Variants in MUC4 observed in about 807,000 individuals in gnomAD.
MUC4 encodes mucin 4, cell surface associated, also known as mucin-4.
In MUC4, 202 loss-of-function variants were observed where a neutral mutation model predicts 257.9. That is an observed-to-expected ratio of 0.78 (90% CI 0.70 to 0.88). The LOEUF is 0.88. Among genes scored for constraint, MUC4 ranks in the 40% least tolerant of loss-of-function variants. MUC4 has a pLI of 0.00. For missense variants in MUC4, 5,976 were observed against 6,513.7 expected, an observed-to-expected ratio of 0.92 and a Z score of 2.84; for synonymous variants, 2,351 against 2,757.1, an observed-to-expected ratio of 0.85 and a Z score of 4.62.
Position 195,747,376 on chromosome 3 carries a change from C to G in MUC4, c.16039G>C (p.Val5347Leu). The change falls in exon 25 of 25, where the codon GTG (valine) becomes CTG (leucine). Residue 5347 changes from valine to leucine, a missense_variant. By Grantham distance (32) the Val-to-Leu change is conservative. Around this residue, in one of 44 missense-constraint regions of MUC4, gnomAD observed 310 missense variants for 242.1 expected, o/e 1.28. Coordinates refer to ENST00000463781, the MANE Select transcript of MUC4 (RefSeq NM_018406.7). ...CAGGCCGTGTAGATGGAGAAGGACACACAGCTGGTGACCAAGAGAGACAGA... is the reference window on the plus strand; with the variant it reads ...CAGGCCGTGTAGATGGAGAAGGACAGACAGCTGGTGACCAAGAGAGACAGA... ...HLPSGPRCSC[V>L]SFSIYTAWGE... 6.2e-7 allele frequency: 1 copy of G among 1,613,758 alleles called. No homozygotes were observed. Among genetic ancestry groups the G allele is most frequent in the Non-Finnish European group, 8.5e-7 (1 of 1,179,754 alleles).
At chr3:195,805,632 G>C (rs573726636) in intron 1 of MUC4, among the ~76,000 whole-genome samples, 1 of 152,208 alleles carries the variant, frequency 6.6e-6, no homozygotes, top group Non-Finnish European at 1.5e-5. Flanking sequence ...GAGTAGCTGG[G>C]ATTACAGGTG....
rs765150874 is a variant in MUC4, at chr3:195,750,845, C to A, written c.15871+44G>T. 7 of 1,578,290 alleles carry A rather than the reference C, an allele frequency of 4.4e-6. No individual in the cohort carries two copies. The Admixed American group carries it at 1.0e-4, about 23-fold the overall frequency. On this transcript the variant is annotated intron_variant, in intron 23 of 24. Transcript: ENST00000463781. Reference sequence around the variant, plus strand: ...GCTGAAGCACCTCTGTTTGCCCGCCCCCCGCAGTGACCCCCATAGTGTCCC... The same window carrying A: ...GCTGAAGCACCTCTGTTTGCCCGCCACCCGCAGTGACCCCCATAGTGTCCC...
chr3:195,778,040 C>T (rs1360727407), intron 3 of MUC4, among the ~76,000 whole-genome samples: 1 of 152,232 alleles, frequency 6.6e-6, no homozygotes, highest in African/African-American at 2.4e-5. Context: ...TGCACTTAGA[C>T]CCTGGGATGA....
At chr3:195,768,849 C>T (rs1368893630) in intron 7 of MUC4, among the ~76,000 whole-genome samples, 173 bp downstream of exon 7, 2 of 152,178 alleles carry the variant, frequency 1.3e-5, no homozygotes, top group African/African-American at 4.8e-5. Flanking sequence ...GTGATCTTGT[C>T]GTGGGAAGCA....
chr3:195,793,896 A>T (rs1293297663), intron 1 of MUC4, among the ~76,000 whole-genome samples: 5 of 152,160 alleles, frequency 3.3e-5, no homozygotes, highest in African/African-American at 1.2e-4. Context: ...CTGGTCACAG[A>T]CTACCAAGAA....
In MUC4 at chr3:195,764,072, A is replaced by G. The variant is rs747163735; in HGVS notation, c.14017T>C (p.Cys4673Arg). 2 of 1,610,754 alleles carry G rather than the reference A, an allele frequency of 1.2e-6. No individual in the cohort carries two copies. Among genetic ancestry groups the G allele is most frequent in the South Asian group, 2.2e-5 (2 of 90,406 alleles). ...GGCTGTGGGGGCCTGTATGTAGCAC[A>G]GCCCACGTGGGGCCGCCTCTGCTGG... Reference protein sequence around the residue: ...LYQQRRPHVGCATYRPPQPAW... With the variant: ...LYQQRRPHVGRATYRPPQPAW... The change falls in exon 11 of 25, where the codon TGT (cysteine) becomes CGT (arginine). Residue 4673 changes from cysteine (C) to arginine (R), a missense_variant. Physicochemically the swap from Cys to Arg is radical, Grantham distance 180. Coordinates refer to ENST00000463781, the MANE Select transcript of MUC4 (RefSeq NM_018406.7).
chr3:195,788,936 C>A lies in MUC4; in HGVS notation c.2644G>T (p.Ala882Ser), dbSNP rs748558178. 32 of 1,613,480 alleles carry A rather than the reference C, an allele frequency of 2.0e-5. No individual in the cohort carries two copies. Among genetic ancestry groups the A allele is most frequent in the Non-Finnish European group, 2.5e-5 (29 of 1,179,682 alleles). ...CTTGACTGTCCTGTCGGTCTCCCTG[C>A]AGTGGAGGCCTCAGAGAGGGTGGGA... Reference protein sequence around the residue: ...FHPTLSEASTAGRPTGQSSPT... With the variant: ...FHPTLSEASTSGRPTGQSSPT... Residue 882 changes from alanine (A) to serine (S), a missense_variant, in exon 2 of 25, where the codon GCA (alanine) becomes TCA (serine). Ala to Ser is a moderately conservative substitution (Grantham distance 99). Transcript: ENST00000463781.
intron 1 of MUC4, among the ~76,000 whole-genome samples, chr3:195,805,985 A>C (rs1008606068): frequency 4.0e-4 from 54 of 133,778 alleles, no homozygotes; most frequent in African/African-American, 1.3e-3. Flanking sequence ...GCATGGTGGC[A>C]TGTGCCTGTG....
chr3:195,792,350 C>T (rs1375604137), intron 1 of MUC4, among the ~76,000 whole-genome samples: 1 of 152,178 alleles, frequency 6.6e-6, no homozygotes, highest in Non-Finnish European at 1.5e-5. Flanking sequence ...CAAAAGAAGA[C>T]ATTTATGCCA....
chr3:195,789,489 T>G lies in MUC4; in HGVS notation c.2091A>C (p.Pro697=), dbSNP rs778089469. ...TTGTGTGACCATCCCCGGTGGGAGCTGGGGCAAAGGTTGTTGCTGCACTTA... is the reference window on the plus strand; with the variant it reads ...TTGTGTGACCATCCCCGGTGGGAGCGGGGGCAAAGGTTGTTGCTGCACTTA... The part of the protein sequence containing the change: ...PTISAATTFA[P]APTGDGHTTQ... Residue 697 remains proline, a synonymous_variant, in exon 2 of 25, where the codon CCA becomes CCC. Transcript: ENST00000463781. 2.1e-5 allele frequency: 34 copies of G among 1,613,530 alleles called. No individual in the cohort carries two copies. The highest frequency in any genetic ancestry group is 2.8e-5 in the Non-Finnish European group (33 of 1,179,822).
chr3:195,750,726 C>T, intron 23 of MUC4, 163 bp downstream of exon 23: 1 of 690,440 alleles, frequency 1.4e-6, no homozygotes, highest in Non-Finnish European at 2.4e-6. Context: ...GCTGGCTGCT[C>T]CTGCTCTCGA....
chr3:195,782,543 C>T lies in MUC4; in HGVS notation c.9037G>A (p.Asp3013Asn), dbSNP rs756096280. The T allele has an allele frequency of 1.0e-4, 147 of 1,449,568 alleles. 6 individuals carry two copies. The highest frequency in any genetic ancestry group is 1.2e-4 in the Non-Finnish European group (132 of 1,091,718). 89.8% of individuals were successfully genotyped at this position (1,449,568 alleles called of 1,614,324 possible). ...IGHATSLPVT[D>N]TSSISTGHAT... The stretch of plus-strand genomic sequence containing the variant: ...TGACCTGTGGATATTGAGGAAGTGT[C>T]GGTGACAGGAAGAGAGGTGGCGTGA... The change falls in exon 2 of 25, where the codon GAC becomes AAC. Residue 3013 changes from aspartate (D) to asparagine (N), a missense_variant. By Grantham distance (23) the Asp-to-Asn change is conservative (BLOSUM62 1). This residue lies in a region of MUC4 where 68 missense variants were observed against 50.2 expected (regional missense o/e 1.35). Coordinates refer to ENST00000463781, the MANE Select transcript of MUC4 (RefSeq NM_018406.7).
chr3:195,791,508 C>T lies in MUC4; in HGVS notation c.83-11G>A, dbSNP rs1733860671. 3 of 1,568,230 alleles carry T rather than the reference C, an allele frequency of 1.9e-6. No individual in the cohort carries two copies. The highest frequency in any genetic ancestry group is 1.1e-5 in the South Asian group (1 of 89,334). On this transcript the variant is annotated splice_polypyrimidine_tract_variant and intron_variant, in intron 1 of 24. Transcript: ENST00000463781. ...TGTCCTCTGTGGTTCCTGGAGTGAA[C>T]CAAAATAGGCAAGCAGAGAGCTAAA...
At chr3:195,803,625 T>C (rs1188614356) in intron 1 of MUC4, among the ~76,000 whole-genome samples, 1 of 152,268 alleles carries the variant, frequency 6.6e-6, no homozygotes, top group Admixed American at 6.5e-5. Flanking sequence ...ATAGCTTATC[T>C]TGTTAATAGC....
chr3:195,779,992 G>T lies in MUC4; in HGVS notation c.11588C>A (p.Ser3863Tyr). 1 of 1,427,124 alleles carries T rather than the reference G, an allele frequency of 7.0e-7. No individual in the cohort carries two copies. The highest frequency in any genetic ancestry group is 9.3e-7 in the Non-Finnish European group (1 of 1,074,218). The allele number at this position is 1,427,124 out of a possible 1,614,324, so 88.4% of individuals were successfully genotyped here. The part of the protein sequence containing the change: ...DTMPLPVTSP[S>Y]SASTGHATPL... The stretch of plus-strand genomic sequence containing the variant: ...GGTGGCGTGACCTGTGGATGCTGAG[G>T]AAGGGCTAGTGACAGGAAGAGGCAT... The change falls in exon 2 of 25, where the codon TCC (serine) becomes TAC (tyrosine). Residue 3863 changes from serine (S) to tyrosine (Y), a missense_variant. By Grantham distance (144) the Ser-to-Tyr change is moderately radical (BLOSUM62 -2). This residue lies in a region of MUC4 where 330 missense variants were observed against 262.0 expected (regional missense o/e 1.26). Coordinates refer to ENST00000463781, the MANE Select transcript of MUC4 (RefSeq NM_018406.7).
chr3:195,754,113 G>A, intron 19 of MUC4, 100 bp downstream of exon 19: 1 of 1,423,610 alleles, frequency 7.0e-7, no homozygotes, highest in Non-Finnish European at 9.5e-7. Context: ...CTAAAGATCT[G>A]CTGGAAAAAG....
At position 195,759,055 on chromosome 3, in the gene MUC4, C is replaced by T; in HGVS notation, c.14986+69G>A. 3 of 1,576,844 alleles carry T rather than the reference C, an allele frequency of 1.9e-6. No individual in the cohort carries two copies. The South Asian group carries it at 3.5e-5, about 18-fold the overall frequency. On this transcript the variant is annotated intron_variant, in intron 17 of 24. Coordinates refer to ENST00000463781, the MANE Select transcript of MUC4 (RefSeq NM_018406.7). ...TGCTGGGTGTAGCAATGCAGAATTT[C>T]CCAAATTTGACTCTGACCTCATCCC... is the stretch of plus-strand genomic sequence containing the variant.
At position 195,779,041 on chromosome 3, in the gene MUC4, G is replaced by A; in HGVS notation, c.12539C>T (p.Thr4180Ile). ...ACCTGTGGATGCTGAGGAAGTGCTG[G>A]TGACAGGAAGAGGGGTGCCGTGACC... ...STGHGTPLPV[T>I]STSSASTGDT... is the part of the protein sequence containing the mutation. Residue 4180 changes from threonine (T) to isoleucine (I), a missense_variant, in exon 2 of 25, where the codon ACC becomes ATC. Physicochemically the swap from Thr to Ile is moderately conservative, Grantham distance 89. Transcript: ENST00000463781. The A allele has an allele frequency of 1.6e-6, 2 of 1,280,972 alleles. No individual in the cohort carries two copies. The highest frequency in any genetic ancestry group is 1.4e-5 in the South Asian group (1 of 69,182). The allele number at this position is 1,280,972 out of a possible 1,614,324, so 79.4% of individuals were successfully genotyped here.
At position 195,754,400 on chromosome 3, in the gene MUC4, G is replaced by A. The variant is rs964117622; in HGVS notation, c.15169-28C>T. 5.0e-6 allele frequency: 8 copies of A among 1,585,858 alleles called. No homozygotes were observed. In the African/African-American group the frequency reaches 9.4e-5, roughly 19 times the overall value. Reference sequence around the variant, plus strand: ...GGAGGAGGGTTGCCGATCACGGGCGGCCAGGAGACCAAACTGGGAAGGGCT... The same window carrying A: ...GGAGGAGGGTTGCCGATCACGGGCGACCAGGAGACCAAACTGGGAAGGGCT... On this transcript the variant is annotated intron_variant, in intron 18 of 24. Coordinates refer to ENST00000463781, the MANE Select transcript of MUC4 (RefSeq NM_018406.7).
Sources: allele counts gnomAD v4.1 joint callset (sites outside exome capture counted in the v4.1 genomes callset), GRCh38; gene constraint gnomAD v4.1.1; regional missense constraint gnomAD v4.1.1; transcripts MANE v1.5; gene names NCBI Gene and HGNC (gene_info 2026-07-23, HGNC 2026-07-21).